ROBO2: variants seen among roughly 807,000 people sequenced by gnomAD.
The protein encoded by ROBO2 is roundabout homolog 2.
A neutral mutation model predicts 160.8 loss-of-function variants in ROBO2; 53 were observed. The ratio of observed to expected loss-of-function variants is 0.33; its 90% confidence interval spans 0.26 to 0.41. The LOEUF (loss-of-function observed/expected upper bound fraction) is 0.41, where lower values mean the gene tolerates loss of function less well. ROBO2 is among the 10% of genes least tolerant of loss of function. The pLI is 1.00. For synonymous variants in ROBO2, 664 were observed against 611.7 expected (o/e 1.09, Z -1.26); for missense variants, 1,577 against 1,722.4 (o/e 0.92, Z 1.49).
chr3:76,267,482 T>C (rs892411578), intron 2 of ROBO2, among the ~76,000 whole-genome samples: 2 of 152,280 alleles, frequency 1.3e-5, no homozygotes, highest in African/African-American at 4.8e-5. Context: ...TAGTGTTGTG[T>C]TCATCTAATT....
intron 2 of ROBO2, among the ~76,000 whole-genome samples, chr3:76,406,851 G>T (rs545399243): frequency 2.0e-5 from 3 of 151,878 alleles, no homozygotes; most frequent in African/African-American, 7.2e-5. Flanking sequence ...CATACATATA[G>T]TCAAGAATGA....
At chr3:77,130,507 T>C (rs1344687543) in intron 2 of ROBO2, among the ~76,000 whole-genome samples, 1 of 152,234 alleles carries the variant, frequency 6.6e-6, no homozygotes, top group Admixed American at 6.5e-5. Context: ...CATTTATTTA[T>C]GAATGCATTC....
intron 2 of ROBO2, among the ~76,000 whole-genome samples, chr3:75,997,256 G>T (rs972240203): frequency 6.6e-6 from 1 of 152,132 alleles, no homozygotes; most frequent in Non-Finnish European, 1.5e-5. Flanking sequence ...TGTTGGTACA[G>T]TTCGAAAATA....
chr3:76,375,477 G>A (rs907316210), intron 2 of ROBO2, among the ~76,000 whole-genome samples: 1 of 151,886 alleles, frequency 6.6e-6, no homozygotes, highest in African/African-American at 2.4e-5. Flanking sequence ...AAGCCCTGAG[G>A]CAATTATAAA....
intron 2 of ROBO2, among the ~76,000 whole-genome samples, chr3:76,460,991 C>T (rs2078056356): frequency 6.6e-6 from 1 of 152,108 alleles, no homozygotes; most frequent in Non-Finnish European, 1.5e-5. Flanking sequence ...TAATATAAGT[C>T]AGAATACCAC....
intron 2 of ROBO2, among the ~76,000 whole-genome samples, chr3:76,057,872 T>A (rs780165768): frequency 6.6e-6 from 1 of 152,236 alleles, no homozygotes; most frequent in Non-Finnish European, 1.5e-5. Flanking sequence ...CAAATGTTTT[T>A]GTTTAGCTGT....
At chr3:77,491,417 C>CACAGCTATCG (rs376496660) in intron 4 of ROBO2, among the ~76,000 whole-genome samples, 9 of 152,234 alleles carry the variant, frequency 5.9e-5, no homozygotes, top group African/African-American at 2.2e-4. Context: ...CGCCTGATAG[C>CACAGCTATCG]ACAGAAGAAG....
intron 6 of ROBO2, among the ~76,000 whole-genome samples, chr3:77,523,715 T>G (rs1243666033): frequency 6.6e-6 from 1 of 151,144 alleles, no homozygotes; most frequent in Non-Finnish European, 1.5e-5. Context: ...AAACAGACAT[T>G]AGCCATGGCA....
intron 2 of ROBO2, among the ~76,000 whole-genome samples, chr3:76,827,306 A>G (rs547630920): frequency 6.6e-6 from 1 of 152,318 alleles, no homozygotes; most frequent in South Asian, 2.1e-4. Context: ...AAATGAATGA[A>G]TATATCTAAT....
chr3:77,171,203 A>C (rs1016053853), intron 2 of ROBO2, among the ~76,000 whole-genome samples: 2 of 152,180 alleles, frequency 1.3e-5, no homozygotes, highest in African/African-American at 4.8e-5. Context: ...TGGCATATAC[A>C]CTAGAGGATA....
At chr3:77,054,928 A>ATG (rs574557375) in intron 1 of ROBO2, among the ~76,000 whole-genome samples, 10,904 of 113,106 alleles carry the variant, frequency 0.096, 507 homozygotes, top group Admixed American at 0.2. Context: ...TCTCGCGTGT[A>ATG]TGTGTGTGTG....
At chr3:76,088,058 A>C (rs1413132897) in intron 2 of ROBO2, among the ~76,000 whole-genome samples, 2 of 152,138 alleles carry the variant, frequency 1.3e-5, no homozygotes, top group Non-Finnish European at 2.9e-5. Context: ...CACTAATCAA[A>C]AGAAAGCAGA....
At position 76,543,274 on chromosome 3, in the gene ROBO2, A is replaced by G. The variant is rs79609654; in HGVS notation, c.110-554740A>G. On this transcript the variant is annotated intron_variant, in intron 2 of 26. Transcript: ENST00000487694. Reference sequence around the variant, plus strand: ...AAGTGTTAACCCACAATGTGACTGTATTTGAAGATAAAGGAGTAATTAAGG... The same window carrying G: ...AAGTGTTAACCCACAATGTGACTGTGTTTGAAGATAAAGGAGTAATTAAGG... Among the ~76,000 whole-genome samples the G allele has an allele frequency of 3.8e-3, 579 of 152,210 alleles. 5 individuals carry two copies. The highest frequency in any genetic ancestry group is 0.014 in the African/African-American group (563 of 41,556).
At chr3:76,399,402 T>C (rs1019193602) in intron 2 of ROBO2, among the ~76,000 whole-genome samples, 1 of 151,650 alleles carries the variant, frequency 6.6e-6, no homozygotes, top group Non-Finnish European at 1.5e-5. Context: ...AGAGTTTAAA[T>C]GCCCTGCCTA....
At chr3:76,609,758 G>C (rs1394269314) in intron 2 of ROBO2, among the ~76,000 whole-genome samples, 3 of 152,106 alleles carry the variant, frequency 2.0e-5, no homozygotes, top group Non-Finnish European at 2.9e-5. Flanking sequence ...ATACTATGTT[G>C]AATAACAGTG....
chr3:77,297,770 G>C (rs900724941), intron 2 of ROBO2, among the ~76,000 whole-genome samples: 3 of 152,092 alleles, frequency 2.0e-5, no homozygotes, highest in Non-Finnish European at 4.4e-5. Context: ...TACATTTAAC[G>C]GAAGAAGAAA....
intron 2 of ROBO2, among the ~76,000 whole-genome samples, chr3:77,259,469 A>G (rs1164166132): frequency 6.6e-6 from 1 of 152,206 alleles, no homozygotes; most frequent in Non-Finnish European, 1.5e-5. Flanking sequence ...AAAGAAAACA[A>G]TAGGTTACTA....
chr3:76,026,448 A>T (rs568995106), intron 2 of ROBO2, among the ~76,000 whole-genome samples: 1 of 152,058 alleles, frequency 6.6e-6, no homozygotes, highest in South Asian at 2.1e-4. Context: ...TTCTTCTTGA[A>T]TTACTGGAGT....
chr3:76,714,263 G>C (rs1001277136), intron 2 of ROBO2, among the ~76,000 whole-genome samples: 1 of 152,050 alleles, frequency 6.6e-6, no homozygotes, highest in Non-Finnish European at 1.5e-5. Context: ...TGGTGTTGCT[G>C]GTGTTCATTG....
Sources: allele counts gnomAD v4.1 joint callset (sites outside exome capture counted in the v4.1 genomes callset), GRCh38; gene constraint gnomAD v4.1.1; transcripts MANE v1.5; gene names NCBI Gene and HGNC (gene_info 2026-07-23, HGNC 2026-07-21).